The following LYL1 variants were observed in gnomAD, a reference collection of about 807,000 sequenced individuals.
LYL1 encodes protein lyl-1.
LYL1 carries 4 observed loss-of-function variants against 11.1 expected under a neutral mutation model. That is an observed-to-expected ratio of 0.36 (90% CI 0.18 to 0.82). The LOEUF is 0.82. LYL1 is among the 40% of genes least tolerant of loss of function. The pLI is 0.49. For synonymous variants in LYL1, 179 were observed against 174.8 expected, an observed-to-expected ratio of 1.02 and a Z score of -0.19; for missense variants, 356 against 397.6, an observed-to-expected ratio of 0.90 and a Z score of 0.89.
rs1170648362 is a variant in LYL1 at position 13,102,760 on chromosome 19, G to C, written c.-254C>G. The C allele has an allele frequency of 2.6e-5, 4 of 153,174 alleles. No homozygotes were observed. The highest frequency in any genetic ancestry group is 5.8e-5 in the Non-Finnish European group (4 of 68,610). 9.5% of individuals were successfully genotyped at this position (153,174 alleles called of 1,614,324 possible). ...CCCCCAGGGAAAGTGAGCGGCTCCC[G>C]GGCCGGCCCGCCTTCTCCCCGCCCC... On this transcript the variant is annotated 5_prime_UTR_variant, in exon 1 of 4. Transcript: ENST00000264824. This position sits in a 1 kb window ranked among gnomAD's most constrained non-coding sequence, Gnocchi z 4.9.
At position 13,102,730 on chromosome 19, in the gene LYL1, G is replaced by C. The variant is rs1188132123; in HGVS notation, c.-224C>G. 1 of 155,364 alleles carries C rather than the reference G, an allele frequency of 6.4e-6. No individual in the cohort carries two copies. Among genetic ancestry groups the C allele is most frequent in the African/African-American group, 2.4e-5 (1 of 41,526 alleles). 9.6% of individuals were successfully genotyped at this position (155,364 alleles called of 1,614,324 possible). On this transcript the variant is annotated 5_prime_UTR_variant, in exon 1 of 4. Transcript: ENST00000264824. This position sits in a 1 kb window ranked among gnomAD's most constrained non-coding sequence, Gnocchi z 4.9. ...CCAGGATAGCCGAGGTCTCCGCGTAGGTCCCCCCCAGGGAAAGTGAGCGGC... is the reference window on the plus strand; with the variant it reads ...CCAGGATAGCCGAGGTCTCCGCGTACGTCCCCCCCAGGGAAAGTGAGCGGC...
rs770721427 is a variant in LYL1 at position 13,101,101 on chromosome 19, G to A, written c.71C>T (p.Pro24Leu). 1.3e-6 allele frequency: 2 copies of A among 1,490,916 alleles called. No individual in the cohort carries two copies. Among genetic ancestry groups the A allele is most frequent in the South Asian group, 1.4e-5 (1 of 70,630 alleles). 92.4% of individuals were successfully genotyped at this position (1,490,916 alleles called of 1,614,324 possible). The change falls in exon 2 of 4, where the codon CCC (proline) becomes CTC (leucine). Residue 24 changes from proline to leucine, a missense_variant. By Grantham distance (98) the Pro-to-Leu change is moderately conservative (BLOSUM62 -3). Coordinates refer to ENST00000264824, the MANE Select transcript of LYL1 (RefSeq NM_005583.5). This position sits in a 1 kb window ranked among gnomAD's most constrained non-coding sequence, Gnocchi z 5.1. ...AGGGGGTGGGGCAGGCGCTGGGCTGGGGGCACACACCATCTCTGCCTTCTC... is the reference window on the plus strand; with the variant it reads ...AGGGGGTGGGGCAGGCGCTGGGCTGAGGGCACACACCATCTCTGCCTTCTC... Reference protein sequence around the residue: ...MTEKAEMVCAPSPAPAPPPKP... With the variant: ...MTEKAEMVCALSPAPAPPPKP...
rs1312436437 is a variant in LYL1, at chr19:13,099,765, T to C, written c.428-31A>G. ...GACAAGGAGGGCCGGGTTGGTGCCA[T>C]GGCCCAAAGGGCGGCCCCTCCTGCC... On this transcript the variant is annotated intron_variant, in intron 3 of 3. Transcript: ENST00000264824. This position sits in a 1 kb window ranked among gnomAD's most constrained non-coding sequence, Gnocchi z 5.3. 7.1e-7 allele frequency: 1 copy of C among 1,408,112 alleles called. No individual in the cohort carries two copies. Among genetic ancestry groups the C allele is most frequent in the African/African-American group, 1.5e-5 (1 of 67,688 alleles). 87.2% of individuals were successfully genotyped at this position (1,408,112 alleles called of 1,614,324 possible).
rs912810657 is a variant in LYL1 at position 13,101,241 on chromosome 19, G to A, written c.-24-46C>T. 13 of 756,128 alleles carry A rather than the reference G, an allele frequency of 1.7e-5. No homozygotes were observed. The highest frequency in any genetic ancestry group is 7.4e-5 in the African/African-American group (4 of 54,282). The allele number at this position is 756,128 out of a possible 1,614,324, so 46.8% of individuals were successfully genotyped here. A position where few individuals can be genotyped will look rare whatever the true frequency, so the allele number is the denominator to read the frequency against. The stretch of plus-strand genomic sequence containing the variant: ...AGTGGGGAGGAGGACTAGGTGCCCC[G>A]CTCCCACCTGCTTAGCTCAAGAAAC... On this transcript the variant is annotated intron_variant, in intron 1 of 3. Coordinates refer to ENST00000264824, the MANE Select transcript of LYL1 (RefSeq NM_005583.5). This position sits in a 1 kb window ranked among gnomAD's most constrained non-coding sequence, Gnocchi z 5.1.
chr19:13,101,464 G>A lies in LYL1; in HGVS notation c.-24-269C>T, dbSNP rs1362598328. 3 of 370,322 alleles carry A rather than the reference G, an allele frequency of 8.1e-6. No homozygotes were observed. Among genetic ancestry groups the A allele is most frequent in the Non-Finnish European group, 1.4e-5 (3 of 207,678 alleles). The allele number at this position is 370,322 out of a possible 1,614,324, so 22.9% of individuals were successfully genotyped here. On this transcript the variant is annotated intron_variant, in intron 1 of 3. Transcript: ENST00000264824. This position sits in a 1 kb window ranked among gnomAD's most constrained non-coding sequence, Gnocchi z 5.1. ...TTTGTGACCCAGGAGGGGCGCTGTT[G>A]CCCAGCCTCTGAGCAAATATTCCTT...
Position 13,101,577 on chromosome 19 carries a change from A to AT in LYL1, c.-24-383dup, listed in dbSNP as rs1447812706. The AT allele has an allele frequency of 4.1e-6, 1 of 242,124 alleles. No individual in the cohort carries two copies. Among genetic ancestry groups the AT allele is most frequent in the African/African-American group, 2.2e-5 (1 of 45,466 alleles). 15.0% of individuals were successfully genotyped at this position (242,124 alleles called of 1,614,324 possible). A position where few individuals can be genotyped will look rare whatever the true frequency, so the allele number is the denominator to read the frequency against. On this transcript the variant is annotated intron_variant, in intron 1 of 3. Transcript: ENST00000264824. The surrounding 1 kb of genome is among the most constrained non-coding windows in gnomAD (Gnocchi z 5.1). ...TCCTGGGATCCCCAGAAACCCCAAG[A>AT]TTAACCCTGTTATCCTCAGATCTAA...
chr19:13,100,120 C>T (rs1331971148), intron 3 of LYL1, among the ~76,000 whole-genome samples: 1 of 152,198 alleles, frequency 6.6e-6, no homozygotes, highest in Non-Finnish European at 1.5e-5. Context: ...TTATGACTGT[C>T]TGTGTCCTGT....
chr19:13,100,712 G>A lies in LYL1; in HGVS notation c.372C>T (p.Phe124=). 1 of 1,614,232 alleles carries A rather than the reference G, an allele frequency of 6.2e-7. No homozygotes were observed. Among genetic ancestry groups the A allele is most frequent in the African/African-American group, 1.3e-5 (1 of 75,066 alleles). The change falls in exon 3 of 4, where the codon TTC becomes TTT. Residue 124 remains phenylalanine, a synonymous_variant. Transcript: ENST00000264824. Reference sequence around the variant, plus strand: ...GTCTCCGCTTCAACCGGCTGCTAGGGAAGATGCTAAAAGGTCCTGCTGGCC... The same window carrying A: ...GTCTCCGCTTCAACCGGCTGCTAGGAAAGATGCTAAAAGGTCCTGCTGGCC... ...YIGPAGPFSI[F]PSSRLKRRPS... is the part of the protein sequence containing the mutation.
chr19:13,100,482 T>C (rs2145562849), intron 3 of LYL1, among the ~76,000 whole-genome samples, 175 bp downstream of exon 3: 1 of 152,334 alleles, frequency 6.6e-6, no homozygotes, highest in East Asian at 1.9e-4. Context: ...GGACTGCGAT[T>C]TTGCACATGG....
Position 13,099,251 on chromosome 19 carries a change from G to GC in LYL1, c.*67dup. ...CCCGAACATGCGCAGCACGTCCACT[G>GC]CCCTTTCCTTGACGGCCCTGGGCCG... On this transcript the variant is annotated 3_prime_UTR_variant, in exon 4 of 4. Coordinates refer to ENST00000264824, the MANE Select transcript of LYL1 (RefSeq NM_005583.5). This position sits in a 1 kb window ranked among gnomAD's most constrained non-coding sequence, Gnocchi z 5.3. 1 of 1,209,760 alleles carries GC rather than the reference G, an allele frequency of 8.3e-7. No homozygotes were observed. Among genetic ancestry groups the GC allele is most frequent in the Non-Finnish European group, 1.0e-6 (1 of 967,064 alleles). The allele number at this position is 1,209,760 out of a possible 1,614,324, so 74.9% of individuals were successfully genotyped here.
chr19:13,100,991 G>A lies in LYL1; in HGVS notation c.181C>T (p.Pro61Ser). The change falls in exon 2 of 4, where the codon CCA becomes TCA. Residue 61 changes from proline to serine, a missense_variant. Transcript: ENST00000264824. Reference protein sequence around the residue: ...SSPPRLPPGVPVISLGHSRPP... With the variant: ...SSPPRLPPGVSVISLGHSRPP... ...CTGCTGTGGCCCAGGCTGATCACTGGTACACCAGGTGGCAGCCTGGGGGGC... is the reference window on the plus strand; with the variant it reads ...CTGCTGTGGCCCAGGCTGATCACTGATACACCAGGTGGCAGCCTGGGGGGC... 2 of 1,480,598 alleles carry A rather than the reference G, an allele frequency of 1.4e-6. No homozygotes were observed. Among genetic ancestry groups the A allele is most frequent in the Admixed American group, 2.6e-5 (1 of 38,706 alleles). 91.7% of individuals were successfully genotyped at this position (1,480,598 alleles called of 1,614,324 possible). A position where few individuals can be genotyped will look rare whatever the true frequency, so the allele number is the denominator to read the frequency against.
Position 13,099,436 on chromosome 19 carries a change from C to A in LYL1, c.726G>T (p.Arg242Ser), listed in dbSNP as rs2018642209. ...GCTGCGAGCGCGCTGCCGCCTCGGC[C>A]CTGCGTCCGGATCCCCGGCGGGCGC... The part of the protein sequence containing the change: ...DDGARRGSGR[R>S]AEAAARSQPA... Residue 242 changes from arginine to serine, a missense_variant, in exon 4 of 4, where the codon AGG becomes AGT. Physicochemically the swap from Arg to Ser is moderately radical, Grantham distance 110 (BLOSUM62 -1). Transcript: ENST00000264824. This position sits in a 1 kb window ranked among gnomAD's most constrained non-coding sequence, Gnocchi z 5.3. 1 of 1,252,170 alleles carries A rather than the reference C, an allele frequency of 8.0e-7. No individual in the cohort carries two copies. The highest frequency in any genetic ancestry group is 3.2e-5 in the East Asian group (1 of 31,702). 77.6% of individuals were successfully genotyped at this position (1,252,170 alleles called of 1,614,324 possible).
chr19:13,099,179 A>ACCTT lies in LYL1; in HGVS notation c.*136_*139dup. On this transcript the variant is annotated 3_prime_UTR_variant, in exon 4 of 4. Coordinates refer to ENST00000264824, the MANE Select transcript of LYL1 (RefSeq NM_005583.5). The surrounding 1 kb of genome is among the most constrained non-coding windows in gnomAD (Gnocchi z 5.3). Reference sequence around the variant, plus strand: ...ATGATCACCCTTCCGGACCCCCGAGACCTTGCCCCTGACGTCTTCACTGGT... The same window carrying ACCTT: ...ATGATCACCCTTCCGGACCCCCGAGACCTTCCTTGCCCCTGACGTCTTCACTGGT... 1 of 742,708 alleles carries ACCTT rather than the reference A, an allele frequency of 1.3e-6. No individual in the cohort carries two copies. Among genetic ancestry groups the ACCTT allele is most frequent in the Non-Finnish European group, 1.8e-6 (1 of 543,756 alleles). The allele number at this position is 742,708 out of a possible 1,614,324, so 46.0% of individuals were successfully genotyped here.
In LYL1 at chr19:13,101,319, T is replaced by G; in HGVS notation, c.-24-124A>C. ...GGGGGAAAGGAGGAGGAGAGAAGTT[T>G]CAGTAGGCAAAGGCAGATGGCGGGG... On this transcript the variant is annotated intron_variant, in intron 1 of 3. Coordinates refer to ENST00000264824, the MANE Select transcript of LYL1 (RefSeq NM_005583.5). The surrounding 1 kb of genome is among the most constrained non-coding windows in gnomAD (Gnocchi z 5.1). 2 of 406,630 alleles carry G rather than the reference T, an allele frequency of 4.9e-6. No individual in the cohort carries two copies. The highest frequency in any genetic ancestry group is 3.8e-5 in the East Asian group (1 of 26,442). 25.2% of individuals were successfully genotyped at this position (406,630 alleles called of 1,614,324 possible).
chr19:13,100,066 G>A (rs544143299), intron 3 of LYL1, among the ~76,000 whole-genome samples: 1 of 152,352 alleles, frequency 6.6e-6, no homozygotes, highest in South Asian at 2.1e-4. Context: ...TTGTGCCCAA[G>A]TACGGCTGGC....
At position 13,102,141 on chromosome 19, in the gene LYL1, T is replaced by TA. The variant is rs963081265; in HGVS notation, c.-25+389dup. On this transcript the variant is annotated intron_variant, in intron 1 of 3. Transcript: ENST00000264824. This position sits in a 1 kb window ranked among gnomAD's most constrained non-coding sequence, Gnocchi z 4.9. ...CATGTGCCACCATGCCCGGCTAATTTAAAAAAAAAAATTTTTTTTGTAGAG... is the reference window on the plus strand; with the variant it reads ...CATGTGCCACCATGCCCGGCTAATTTAAAAAAAAAAAATTTTTTTTGTAGAG... 1.5e-3 allele frequency: 293 copies of TA among 196,500 alleles called. No homozygotes were observed. Among genetic ancestry groups the TA allele is most frequent in the East Asian group, 2.7e-3 (33 of 12,446 alleles). The allele number at this position is 196,500 out of a possible 1,614,324, so 12.2% of individuals were successfully genotyped here. A position where few individuals can be genotyped will look rare whatever the true frequency, so the allele number is the denominator to read the frequency against.
In LYL1 at chr19:13,101,145, C is replaced by T; in HGVS notation, c.27G>A (p.Glu9=). MCPPQAQA[E]VGPTMTEKAE... ...CCTTCTCAGTCATGGTGGGGCCCAC[C>T]TCTGCCTGTGCCTGAGGCGGGCACA... The change falls in exon 2 of 4, where the codon GAG becomes GAA. Residue 9 remains glutamate (E), a synonymous_variant. Coordinates refer to ENST00000264824, the MANE Select transcript of LYL1 (RefSeq NM_005583.5). The surrounding 1 kb of genome is among the most constrained non-coding windows in gnomAD (Gnocchi z 5.1). 1 of 1,465,272 alleles carries T rather than the reference C, an allele frequency of 6.8e-7. No individual in the cohort carries two copies. The highest frequency in any genetic ancestry group is 9.0e-7 in the Non-Finnish European group (1 of 1,112,420). The allele number at this position is 1,465,272 out of a possible 1,614,324, so 90.8% of individuals were successfully genotyped here. A position where few individuals can be genotyped will look rare whatever the true frequency, so the allele number is the denominator to read the frequency against.
chr19:13,099,998 G>A lies in LYL1; in HGVS notation c.428-264C>T, dbSNP rs2018655546. On this transcript the variant is annotated intron_variant, in intron 3 of 3. Coordinates refer to ENST00000264824, the MANE Select transcript of LYL1 (RefSeq NM_005583.5). This position sits in a 1 kb window ranked among gnomAD's most constrained non-coding sequence, Gnocchi z 5.3. ...ATGTCAATGACTGAGATTCCCTAAA[G>A]AAAGATTTCCTTGTGTTTGTTTGGT... is the stretch of plus-strand genomic sequence containing the variant. Among the ~76,000 whole-genome samples the A allele has an allele frequency of 6.6e-6, 1 of 152,124 alleles. No individual in the cohort carries two copies. The highest frequency in any genetic ancestry group is 1.5e-5 in the Non-Finnish European group (1 of 67,992).
In LYL1 at chr19:13,099,236, C is replaced by G. The variant is rs1366244291; in HGVS notation, c.*83G>C. 16 of 1,178,592 alleles carry G rather than the reference C, an allele frequency of 1.4e-5. No individual in the cohort carries two copies. Among genetic ancestry groups the G allele is most frequent in the Admixed American group, 4.3e-5 (1 of 23,502 alleles). The allele number at this position is 1,178,592 out of a possible 1,614,324, so 73.0% of individuals were successfully genotyped here. On this transcript the variant is annotated 3_prime_UTR_variant, in exon 4 of 4. Coordinates refer to ENST00000264824, the MANE Select transcript of LYL1 (RefSeq NM_005583.5). The surrounding 1 kb of genome is among the most constrained non-coding windows in gnomAD (Gnocchi z 5.3). ...TCGGGGGAGTTCGCTCCCGAACATG[C>G]GCAGCACGTCCACTGCCCTTTCCTT...
Sources: gnomAD v4.1 joint callset for allele counts (sites outside exome capture counted in the v4.1 genomes callset) on GRCh38, gnomAD v4.1.1 for gene constraint, Gnocchi (gnomAD v3.1) non-coding constraint, MANE v1.5 for transcripts, NCBI Gene and HGNC (gene_info 2026-07-23, HGNC 2026-07-21) for gene names.